OR2J2: variants seen among roughly 807,000 people sequenced by gnomAD.
OR2J2 encodes the protein olfactory receptor 2J2.
In OR2J2, 13 loss-of-function variants were observed where a neutral mutation model predicts 16.9. The ratio of observed to expected loss-of-function variants is 0.77; its 90% CI spans 0.50 to 1.23. OR2J2 has a LOEUF of 1.23. Ranked by LOEUF, OR2J2 falls within the 50% of genes most tolerant of loss-of-function variation. The probability of loss-of-function intolerance (pLI) is 0.00; values close to 1 mark genes in which losing one functional copy is unlikely to be tolerated. For missense variants in OR2J2, 341 were observed against 379.1 expected, an observed-to-expected ratio of 0.90 and a Z score of 0.84; for synonymous variants, 125 against 141.2, an observed-to-expected ratio of 0.89 and a Z score of 0.81.
rs1343275913 is a variant in OR2J2 at position 29,174,206 on chromosome 6, GT to G, written c.573del (p.Asp192ThrfsTer7). On this transcript the variant is annotated frameshift_variant, in exon 2 of 2. Transcript: ENST00000641417. LOFTEE classifies it high-confidence loss of function. ...EVPALLRLSC[V>X]DTHANELTLM... ...TCCAGCACTTCTGCGTTTATCATGT[GT>G]TGACACCCATGCAAATGAGCTGACC... 6.2e-7 allele frequency: 1 copy of G among 1,613,476 alleles called. No individual in the cohort carries two copies. The highest frequency in any genetic ancestry group is 2.2e-5 in the East Asian group (1 of 44,830).
At chr6:29,171,820 T>A (rs960182282) in intron 1 of OR2J2, among the ~76,000 whole-genome samples, 2 of 152,076 alleles carry the variant, frequency 1.3e-5, no homozygotes, top group African/African-American at 4.8e-5. Flanking sequence ...TCCTTGGAAT[T>A]TTCCCATGAT....
rs1439390928 is a variant in OR2J2, at chr6:29,175,149, G to A, written c.*575G>A. 1 of 152,172 alleles carries A rather than the reference G, an allele frequency of 6.6e-6. No individual in the cohort carries two copies. The highest frequency in any genetic ancestry group is 6.6e-5 in the Admixed American group (1 of 15,242). The allele number at this position is 152,172 out of a possible 1,614,324, so 9.4% of individuals were successfully genotyped here. ...ATTTATCCTGTAGGTCTACATACTT[G>A]TCACATTGAACAGTAAACTAATATC... On this transcript the variant is annotated 3_prime_UTR_variant, in exon 2 of 2. Coordinates refer to ENST00000641417, the MANE Select transcript of OR2J2 (RefSeq NM_030905.3).
rs752721275 is a variant in OR2J2 at position 29,174,237 on chromosome 6, T to C, written c.602T>C (p.Met201Thr). 9 of 1,613,856 alleles carry C rather than the reference T, an allele frequency of 5.6e-6. No homozygotes were observed. The South Asian group carries it at 8.8e-5, about 16-fold the overall frequency. ...VDTHANELTL[M>T]VMSSIFVLIP... ...ACCCATGCAAATGAGCTGACCCTCA[T>C]GGTCATGAGCTCCATTTTTGTTCTC... Residue 201 changes from methionine to threonine, a missense_variant, in exon 2 of 2, where the codon ATG (methionine) becomes ACG (threonine). Physicochemically the swap from Met to Thr is moderately conservative, Grantham distance 81. Transcript: ENST00000641417.
At position 29,175,597 on chromosome 6, in the gene OR2J2, G is replaced by C. The variant is rs181459914; in HGVS notation, c.*1023G>C. ...GACCAAGACCATCCTGGCTAACAAG[G>C]TGAAACCCCATCTCTACTAAAAATA... On this transcript the variant is annotated 3_prime_UTR_variant, in exon 2 of 2. Transcript: ENST00000641417. The C allele has an allele frequency of 6.6e-6, 1 of 152,190 alleles. No individual in the cohort carries two copies. Among genetic ancestry groups the C allele is most frequent in the East Asian group, 1.9e-4 (1 of 5,172 alleles). 9.4% of individuals were successfully genotyped at this position (152,190 alleles called of 1,614,324 possible).
chr6:29,172,074 A>G (rs907597400), intron 1 of OR2J2, among the ~76,000 whole-genome samples: 4 of 151,826 alleles, frequency 2.6e-5, no homozygotes, highest in African/African-American at 9.7e-5. Context: ...GTTTTTTGAG[A>G]CAGAGTCTTG....
In OR2J2 at chr6:29,173,967, CAG is replaced by C; in HGVS notation, c.335_336del (p.Glu112ValfsTer10). Reference sequence around the variant, plus strand: ...TACTTTGTTCTTGCACTGGGAATCACAGAGTGTGTCCTACTGGTGGTGATGTC... The same window carrying C: ...TACTTTGTTCTTGCACTGGGAATCACAGTGTGTCCTACTGGTGGTGATGTC... On this transcript the variant is annotated frameshift_variant, in exon 2 of 2. Coordinates refer to ENST00000641417, the MANE Select transcript of OR2J2 (RefSeq NM_030905.3). LOFTEE classifies it high-confidence loss of function. 1 of 1,612,396 alleles carries C rather than the reference CAG, an allele frequency of 6.2e-7. No homozygotes were observed. Among genetic ancestry groups the C allele is most frequent in the South Asian group, 1.1e-5 (1 of 90,902 alleles).
At chr6:29,172,726 G>A (rs1179655467) in intron 1 of OR2J2, among the ~76,000 whole-genome samples, 2 of 152,098 alleles carry the variant, frequency 1.3e-5, no homozygotes, top group Non-Finnish European at 1.5e-5. Flanking sequence ...ATTATAAATT[G>A]TGACTCAGAA....
rs774257054 is a variant in OR2J2 at position 29,174,441 on chromosome 6, C to T, written c.806C>T (p.Pro269Leu). 1 of 1,613,986 alleles carries T rather than the reference C, an allele frequency of 6.2e-7. No homozygotes were observed. Among genetic ancestry groups the T allele is most frequent in the South Asian group, 1.1e-5 (1 of 91,070 alleles). ...MYLQPPSENS[P>L]DQGKFIALFY... ...CTCCAGCCACCATCAGAAAATTCTC[C>T]TGATCAGGGCAAGTTCATTGCCCTC... is the stretch of plus-strand genomic sequence containing the variant. Residue 269 changes from proline to leucine, a missense_variant, in exon 2 of 2, where the codon CCT becomes CTT. Transcript: ENST00000641417.
chr6:29,174,128 T>C lies in OR2J2; in HGVS notation c.493T>C (p.Phe165Leu), dbSNP rs1487929947. 1.2e-6 allele frequency: 2 copies of C among 1,613,596 alleles called. No individual in the cohort carries two copies. The highest frequency in any genetic ancestry group is 1.7e-6 in the Non-Finnish European group (2 of 1,179,926). The stretch of plus-strand genomic sequence containing the variant: ...CTCAGCACTTCATTCCTCCTTTACT[T>C]TCTGGGTACCCCTTTGTGGACATCG... ...TISALHSSFT[F>L]WVPLCGHRLV... Residue 165 changes from phenylalanine to leucine, a missense_variant, in exon 2 of 2, where the codon TTC (phenylalanine) becomes CTC (leucine). Transcript: ENST00000641417.
chr6:29,174,677 T>C lies in OR2J2; in HGVS notation c.*103T>C. ...TGTGATTTATTTTTGTTCTAACAGCTCACAAAACAGAATAGTTCAGTCTCA... is the reference window on the plus strand; with the variant it reads ...TGTGATTTATTTTTGTTCTAACAGCCCACAAAACAGAATAGTTCAGTCTCA... On this transcript the variant is annotated 3_prime_UTR_variant, in exon 2 of 2. Transcript: ENST00000641417. 2 of 858,308 alleles carry C rather than the reference T, an allele frequency of 2.3e-6. No homozygotes were observed. The highest frequency in any genetic ancestry group is 5.1e-5 in the East Asian group (2 of 39,000). 53.2% of individuals were successfully genotyped at this position (858,308 alleles called of 1,614,324 possible).
chr6:29,172,592 T>TA (rs1582015657), intron 1 of OR2J2, among the ~76,000 whole-genome samples: 1 of 152,078 alleles, frequency 6.6e-6, no homozygotes. Flanking sequence ...TTCTTCATTT[T>TA]AAAAAAATAA....
In OR2J2 at chr6:29,174,744, T is replaced by C. The variant is rs1261333926; in HGVS notation, c.*170T>C. The C allele has an allele frequency of 2.1e-5, 11 of 520,822 alleles. No homozygotes were observed. The Admixed American group carries it at 4.1e-4, about 19-fold the overall frequency. The allele number at this position is 520,822 out of a possible 1,614,324, so 32.3% of individuals were successfully genotyped here. A position where few individuals can be genotyped will look rare whatever the true frequency, so the allele number is the denominator to read the frequency against. ...TATTATTTAGTTCTGAAATATTATGTTGAGATAAAGTTTCTGATTAGTGCC... is the reference window on the plus strand; with the variant it reads ...TATTATTTAGTTCTGAAATATTATGCTGAGATAAAGTTTCTGATTAGTGCC... On this transcript the variant is annotated 3_prime_UTR_variant, in exon 2 of 2. Transcript: ENST00000641417.
rs1379268134 is a variant in OR2J2 at position 29,173,552 on chromosome 6, A to G, written c.-17-67A>G. Reference sequence around the variant, plus strand: ...TGGAAGTGGGATACTTTTGTCTTCAATCTGTTTGCAAGTGAGCGGTTGACA... The same window carrying G: ...TGGAAGTGGGATACTTTTGTCTTCAGTCTGTTTGCAAGTGAGCGGTTGACA... On this transcript the variant is annotated intron_variant, in intron 1 of 1. Transcript: ENST00000641417. 4 of 1,041,956 alleles carry G rather than the reference A, an allele frequency of 3.8e-6. No individual in the cohort carries two copies. In the East Asian group the frequency reaches 7.1e-5, roughly 19 times the overall value. 64.5% of individuals were successfully genotyped at this position (1,041,956 alleles called of 1,614,324 possible).
intron 1 of OR2J2, among the ~76,000 whole-genome samples, chr6:29,172,573 T>C (rs528381814): frequency 6.6e-6 from 1 of 152,290 alleles, no homozygotes; most frequent in South Asian, 2.1e-4. Flanking sequence ...TATCAAAGCA[T>C]ATTTGAATTT....
At position 29,173,712 on chromosome 6, in the gene OR2J2, T is replaced by C; in HGVS notation, c.77T>C (p.Val26Ala). ...LGFSNWPQLE[V>A]VLFVVILIFY... ...TTTTCTAATTGGCCTCAGCTGGAAG[T>C]AGTTCTCTTTGTGGTTATCTTGATC... The change falls in exon 2 of 2, where the codon GTA becomes GCA. Residue 26 changes from valine to alanine, a missense_variant. By Grantham distance (64) the Val-to-Ala change is moderately conservative (BLOSUM62 0). Transcript: ENST00000641417. 6.2e-7 allele frequency: 1 copy of C among 1,613,836 alleles called. No homozygotes were observed. The highest frequency in any genetic ancestry group is 8.5e-7 in the Non-Finnish European group (1 of 1,179,956).
At chr6:29,172,165 G>A (rs1250303146) in intron 1 of OR2J2, among the ~76,000 whole-genome samples, 3 of 152,060 alleles carry the variant, frequency 2.0e-5, no homozygotes, top group Non-Finnish European at 4.4e-5. Flanking sequence ...CGATTCTCCT[G>A]CCTCAGCCTC....
chr6:29,174,477 T>C lies in OR2J2; in HGVS notation c.842T>C (p.Val281Ala), dbSNP rs756475311. 3.1e-6 allele frequency: 5 copies of C among 1,614,030 alleles called. No homozygotes were observed. Among genetic ancestry groups the C allele is most frequent in the Non-Finnish European group, 3.4e-6 (4 of 1,179,982 alleles). ...QGKFIALFYT[V>A]VTPSLNPLIY... ...AAGTTCATTGCCCTCTTTTATACTG[T>C]TGTCACACCGAGTCTTAATCCTCTA... Residue 281 changes from valine (V) to alanine (A), a missense_variant, in exon 2 of 2, where the codon GTT (valine) becomes GCT (alanine). Transcript: ENST00000641417.
intron 1 of OR2J2, 144 bp from the exon 2 acceptor site, chr6:29,173,475 C>A: frequency 1.8e-6 from 1 of 561,260 alleles, no homozygotes; most frequent in Non-Finnish European, 3.1e-6. Flanking sequence ...CTCAATGAAG[C>A]ATATAAAGGG....
chr6:29,173,764 C>T lies in OR2J2; in HGVS notation c.129C>T (p.Asn43=), dbSNP rs748416076. 6.8e-6 allele frequency: 11 copies of T among 1,613,710 alleles called. No individual in the cohort carries two copies. The highest frequency in any genetic ancestry group is 8.5e-6 in the Non-Finnish European group (10 of 1,179,892). ...LIFYLMTLTG[N]LFIIILSYVD... is the part of the protein sequence containing the mutation. ...TCTACCTGATGACACTGACAGGAAA[C>T]CTGTTCATCATCATCCTGTCATACG... The change falls in exon 2 of 2, where the codon AAC becomes AAT. Residue 43 remains asparagine (N), a synonymous_variant. Transcript: ENST00000641417.
Sources: gnomAD v4.1 joint callset for allele counts (sites outside exome capture counted in the v4.1 genomes callset) on GRCh38, gnomAD v4.1.1 for gene constraint, MANE v1.5 for transcripts, NCBI Gene and HGNC (gene_info 2026-07-23, HGNC 2026-07-21) for gene names.